Variants in DCC observed in about 807,000 individuals in gnomAD.
DCC encodes the protein netrin receptor DCC.
DCC carries 58 observed loss-of-function variants against 172.5 expected under a neutral mutation model. That is an observed-to-expected ratio of 0.34 (90% CI 0.27 to 0.42). The LOEUF is 0.42. Among genes scored for constraint, DCC ranks in the 10% least tolerant of loss-of-function variants. DCC has a pLI of 1.00. For missense variants in DCC, 1,740 were observed against 1,791.0 expected (o/e 0.97, Z 0.51); for synonymous variants, 709 against 644.5 (o/e 1.10, Z -1.52).
intron 15 of DCC, among the ~76,000 whole-genome samples, chr18:53,376,898 C>A (rs760626245): frequency 1.3e-5 from 2 of 152,120 alleles, no homozygotes; most frequent in Non-Finnish European, 2.9e-5. Flanking sequence ...TTACTCACGT[C>A]CATTGTTTGC....
intron 5 of DCC, among the ~76,000 whole-genome samples, chr18:53,009,895 G>C (rs777638659): frequency 2.0e-5 from 3 of 151,890 alleles, no homozygotes; most frequent in Non-Finnish European, 2.9e-5. Context: ...ATCTAATCAT[G>C]TCTTGAACTA....
intron 7 of DCC, among the ~76,000 whole-genome samples, chr18:53,079,904 G>A (rs2042774684): frequency 6.6e-6 from 1 of 152,112 alleles, no homozygotes; most frequent in African/African-American, 2.4e-5. Flanking sequence ...GATATGCAGG[G>A]GCTGGATCAC....
intron 7 of DCC, among the ~76,000 whole-genome samples, chr18:53,083,589 T>C (rs1400283298): frequency 1.3e-5 from 2 of 152,206 alleles, no homozygotes; most frequent in Admixed American, 6.5e-5. Flanking sequence ...CATTAGTTTT[T>C]AGAAAGAGTA....
Position 53,504,558 on chromosome 18 carries a change from C to CCTAACAGAATTAGGAT in DCC, c.4111+5049_4111+5064dup, listed in dbSNP as rs2046145895. 3.9e-5 allele frequency among the ~76,000 whole-genome samples: 6 copies of CCTAACAGAATTAGGAT among 152,218 alleles called. No individual in the cohort carries two copies. The South Asian group carries it at 1.2e-3, about 32-fold the overall frequency. On this transcript the variant is annotated intron_variant, in intron 27 of 28. Transcript: ENST00000442544. The stretch of plus-strand genomic sequence containing the variant: ...TCCTTGAAATTTTCCTGTCCTCACT[C>CCTAACAGAATTAGGAT]CTAACAGAATTAGGATGATTCGATT...
intron 15 of DCC, among the ~76,000 whole-genome samples, chr18:53,376,118 G>A (rs769494346): frequency 7.2e-5 from 11 of 152,080 alleles, no homozygotes; most frequent in Non-Finnish European, 1.5e-4. Context: ...CAAGCCAGAC[G>A]CGGTGACGTG....
In DCC at chr18:53,397,399, G is replaced by C; in HGVS notation, c.2780G>C (p.Arg927Thr). The C allele has an allele frequency of 1.2e-6, 2 of 1,613,826 alleles. No homozygotes were observed. The highest frequency in any genetic ancestry group is 8.5e-7 in the Non-Finnish European group (1 of 1,179,912). The change falls in exon 18 of 29, where the codon AGG becomes ACG. Residue 927 changes from arginine to threonine, a missense_variant. This residue lies in a region of DCC where 1,732 missense variants were observed against 1,767.4 expected (regional missense o/e 0.98). Coordinates refer to ENST00000442544, the MANE Select transcript of DCC (RefSeq NM_005215.4). Reference protein sequence around the residue: ...EFSVMVTKNRRSSTWSMTAHA... With the variant: ...EFSVMVTKNRTSSTWSMTAHA... Reference sequence around the variant, plus strand: ...TCGGTCATGGTAACAAAAAACAGAAGGTCCAGTACTTGGAGCATGACTGCA... The same window carrying C: ...TCGGTCATGGTAACAAAAAACAGAACGTCCAGTACTTGGAGCATGACTGCA...
chr18:53,049,220 C>G (rs763496026), intron 5 of DCC, among the ~76,000 whole-genome samples: 3 of 151,936 alleles, frequency 2.0e-5, no homozygotes, highest in Non-Finnish European at 4.4e-5. Context: ...GTTTCTATTG[C>G]AATTGTTTTT....
At chr18:53,388,431 A>G (rs1295938879) in intron 16 of DCC, among the ~76,000 whole-genome samples, 1 of 152,226 alleles carries the variant, frequency 6.6e-6, no homozygotes, top group African/African-American at 2.4e-5. Context: ...TAAAGTAACT[A>G]CAAAATATAT....
chr18:52,919,486 C>T (rs2040087735), intron 3 of DCC, among the ~76,000 whole-genome samples: 1 of 152,022 alleles, frequency 6.6e-6, no homozygotes, highest in African/African-American at 2.4e-5. Context: ...GTTTTTCTGG[C>T]AAAAGCTGAC....
At chr18:53,480,887 G>C (rs887510164) in intron 25 of DCC, 5 of 152,180 alleles carry the variant, frequency 3.3e-5, no homozygotes, top group Non-Finnish European at 7.3e-5. Context: ...AGGTATCTAA[G>C]AGCAGTTTAG....
At chr18:53,524,568 T>A (rs781269273) in intron 27 of DCC, among the ~76,000 whole-genome samples, 73 of 152,150 alleles carry the variant, frequency 4.8e-4, no homozygotes, top group Non-Finnish European at 8.7e-4. Flanking sequence ...GTATATATTT[T>A]AAAAATATTG....
chr18:52,962,610 T>C (rs1033113228), intron 5 of DCC, among the ~76,000 whole-genome samples: 1 of 151,550 alleles, frequency 6.6e-6, no homozygotes, highest in African/African-American at 2.4e-5. Context: ...ACTGGGTATA[T>C]ACCCAAAGGA....
At chr18:53,222,233 C>G (rs1290401520) in intron 12 of DCC, among the ~76,000 whole-genome samples, 1 of 152,114 alleles carries the variant, frequency 6.6e-6, no homozygotes, top group Non-Finnish European at 1.5e-5. Context: ...TAACTGCTTT[C>G]TGTAATTAAG....
At chr18:53,223,159 T>A (rs1386010218) in intron 12 of DCC, among the ~76,000 whole-genome samples, 2 of 152,102 alleles carry the variant, frequency 1.3e-5, no homozygotes, top group African/African-American at 4.8e-5. Flanking sequence ...TTAATGTAAA[T>A]AGGACTTAGG....
intron 5 of DCC, among the ~76,000 whole-genome samples, chr18:52,960,123 ACT>A (rs1488331116): frequency 2.0e-5 from 3 of 152,012 alleles, no homozygotes; most frequent in African/African-American, 7.2e-5. Flanking sequence ...CAATATAGCT[ACT>A]CAAAATTTTC....
intron 7 of DCC, among the ~76,000 whole-genome samples, chr18:53,155,974 T>C (rs56190349): frequency 0.016 from 2,472 of 152,264 alleles, 82 homozygotes; most frequent in African/African-American, 0.057. Context: ...TGTAGACAGA[T>C]ACTGACAGGA....
At chr18:53,314,592 T>G (rs62097994) in intron 13 of DCC, among the ~76,000 whole-genome samples, 1 of 152,084 alleles carries the variant, frequency 6.6e-6, no homozygotes, top group Non-Finnish European at 1.5e-5. Flanking sequence ...CAGCATTATA[T>G]GAGCCATTTG....
intron 1 of DCC, among the ~76,000 whole-genome samples, chr18:52,546,975 C>T (rs201217741): frequency 6.6e-6 from 1 of 152,120 alleles, no homozygotes; most frequent in Non-Finnish European, 1.5e-5. Flanking sequence ...CTGGACCTTC[C>T]AAGCCACTGA....
At chr18:52,775,732 T>C (rs2037418856) in intron 2 of DCC, among the ~76,000 whole-genome samples, 2 of 152,248 alleles carry the variant, frequency 1.3e-5, no homozygotes, top group Non-Finnish European at 2.9e-5. Context: ...TCCGCCGATG[T>C]GCTCCTCTTG....
Sources: gnomAD v4.1 joint callset for allele counts (sites outside exome capture counted in the v4.1 genomes callset) on GRCh38, gnomAD v4.1.1 for gene constraint, gnomAD v4.1.1 regional missense constraint, MANE v1.5 for transcripts, NCBI Gene and HGNC (gene_info 2026-07-23, HGNC 2026-07-21) for gene names.